SSH2: variants seen among roughly 807,000 people sequenced by gnomAD.
SSH2 encodes the protein slingshot protein phosphatase 2, also known as protein phosphatase Slingshot homolog 2.
SSH2 carries 37 observed loss-of-function variants against 135.2 expected under a neutral mutation model. The observed-to-expected ratio is 0.27, with a 90% CI of 0.21 to 0.36. The LOEUF (loss-of-function observed/expected upper bound fraction) is 0.36. SSH2 is among the 10% of genes least tolerant of loss of function. The pLI, the probability that SSH2 is intolerant of heterozygous loss-of-function variation, is 1.00. For synonymous variants in SSH2, 628 were observed against 646.2 expected, an observed-to-expected ratio of 0.97 and a Z score of 0.43; for missense variants, 1,408 against 1,765.3, an observed-to-expected ratio of 0.80 and a Z score of 3.63.
intron 3 of SSH2, among the ~76,000 whole-genome samples, chr17:29,784,302 G>A (rs111690527): frequency 0.014 from 2,169 of 151,408 alleles, 53 homozygotes; most frequent in African/African-American, 0.049. Context: ...GGAGAATCAC[G>A]TGAACCTGGG....
intron 3 of SSH2, among the ~76,000 whole-genome samples, chr17:29,778,354 G>A (rs1315435751): frequency 1.3e-5 from 2 of 152,024 alleles, no homozygotes; most frequent in African/African-American, 4.8e-5. Flanking sequence ...AAGTCATGTA[G>A]CCTGGATGGG....
At chr17:29,850,940 G>A (rs1219538769) in intron 1 of SSH2, among the ~76,000 whole-genome samples, 1 of 152,058 alleles carries the variant, frequency 6.6e-6, no homozygotes, top group South Asian at 2.1e-4. Context: ...AGCCGAGATC[G>A]CGCCACTGCA....
chr17:29,745,016 T>G (rs968292010), intron 3 of SSH2, among the ~76,000 whole-genome samples: 2 of 152,154 alleles, frequency 1.3e-5, no homozygotes, highest in Non-Finnish European at 1.5e-5. Context: ...TCAATAACAA[T>G]GGCCTTGCAA....
chr17:29,694,168 G>A (rs772207759), intron 5 of SSH2, among the ~76,000 whole-genome samples: 1 of 152,072 alleles, frequency 6.6e-6, no homozygotes, highest in Non-Finnish European at 1.5e-5. Context: ...TTCCAGTGTG[G>A]TCCAGGGAAG....
chr17:29,632,369 T>A lies in SSH2; in HGVS notation c.2825A>T (p.Asp942Val), dbSNP rs762459910. 3 of 1,614,052 alleles carry A rather than the reference T, an allele frequency of 1.9e-6. No individual in the cohort carries two copies. In the South Asian group the frequency reaches 3.3e-5, roughly 18 times the overall value. Residue 942 changes from aspartate (D) to valine (V), a missense_variant, in exon 16 of 16, where the codon GAT (aspartate) becomes GTT (valine). Physicochemically the swap from Asp to Val is radical, Grantham distance 152 (BLOSUM62 -3). Transcript: ENST00000540801. Reference protein sequence around the residue: ...VADLAPKGKSDEAPPEHSFVL... With the variant: ...VADLAPKGKSVEAPPEHSFVL... ...AAATGAATGTTCTGGGGGGGCTTCA[T>A]CACTTTTCCCTTTTGGTGCTAGGTC...
chr17:29,772,389 G>GCGCC (rs1244583389), intron 3 of SSH2, among the ~76,000 whole-genome samples: 5 of 151,988 alleles, frequency 3.3e-5, no homozygotes, highest in Non-Finnish European at 4.4e-5. Context: ...GGGACTACAG[G>GCGCC]CGCCCACCAC....
At chr17:29,845,276 A>G (rs2043112162) in intron 2 of SSH2, among the ~76,000 whole-genome samples, 1 of 152,202 alleles carries the variant, frequency 6.6e-6, no homozygotes, top group Admixed American at 6.5e-5. Flanking sequence ...TGGAGATTTC[A>G]ATCATTTTGC....
Position 29,898,146 on chromosome 17 carries a change from T to C in SSH2, c.63+31792A>G, listed in dbSNP as rs200625704. ...TTAAAGCAGTGTGTAGAGGGAAATT[T>C]ACAGCACTAAATGCCCACAAGAGAA... On this transcript the variant is annotated intron_variant, in intron 1 of 15. Transcript: ENST00000540801. Among the ~76,000 whole-genome samples, 22 of 152,228 alleles carry C rather than the reference T, an allele frequency of 1.4e-4. 1 individual carries two copies. The East Asian group carries it at 2.3e-3, about 16-fold the overall frequency.
At chr17:29,897,470 G>A (rs2066466914) in intron 1 of SSH2, among the ~76,000 whole-genome samples, 1 of 152,044 alleles carries the variant, frequency 6.6e-6, no homozygotes, top group Non-Finnish European at 1.5e-5. Flanking sequence ...AAAAAAGGCA[G>A]GGGTTGCAAT....
chr17:29,767,326 A>T (rs2041469528), intron 3 of SSH2, among the ~76,000 whole-genome samples: 1 of 151,858 alleles, frequency 6.6e-6, no homozygotes, highest in Non-Finnish European at 1.5e-5. Context: ...ACTTTACAAA[A>T]CATTTAACCA....
At chr17:29,839,227 G>A (rs1034129549) in intron 2 of SSH2, 1 of 152,444 alleles carries the variant, frequency 6.6e-6, no homozygotes, top group African/African-American at 2.4e-5. Context: ...TGTGCACAGT[G>A]GCTGGACCCT....
At chr17:29,906,515 G>C (rs976350511) in intron 1 of SSH2, among the ~76,000 whole-genome samples, 1 of 152,138 alleles carries the variant, frequency 6.6e-6, no homozygotes, top group Non-Finnish European at 1.5e-5. Context: ...TGACAAATGG[G>C]ATCTAACTAA....
intron 6 of SSH2, 71 bp downstream of exon 6, chr17:29,684,483 TAAAAAAAAA>T: frequency 5.2e-6 from 5 of 955,932 alleles, no homozygotes; most frequent in Non-Finnish European, 7.1e-6. Flanking sequence ...CCGTCCCCAT[TAAAAAAAAA>T]AAAAAAAAAA....
intron 1 of SSH2, among the ~76,000 whole-genome samples, chr17:29,872,919 C>T (rs901266001): frequency 2.9e-4 from 44 of 151,298 alleles, no homozygotes; most frequent in African/African-American, 1.0e-3. Flanking sequence ...TCACTTGAAC[C>T]GGGGAGGCAA....
At chr17:29,743,967 C>A (rs971542445) in intron 3 of SSH2, among the ~76,000 whole-genome samples, 41 of 140,566 alleles carry the variant, frequency 2.9e-4, no homozygotes, top group African/African-American at 1.0e-3. Flanking sequence ...CCATTGGAGC[C>A]TGAGTCGGAA....
chr17:29,671,165 T>C (rs1202928770), intron 9 of SSH2, among the ~76,000 whole-genome samples: 1 of 151,912 alleles, frequency 6.6e-6, no homozygotes, highest in East Asian at 1.9e-4. Context: ...AATGATAAAA[T>C]ATTTAAAAAA....
chr17:29,665,051 T>C (rs1245681778), intron 11 of SSH2, among the ~76,000 whole-genome samples: 5 of 152,198 alleles, frequency 3.3e-5, no homozygotes, highest in Non-Finnish European at 7.4e-5. Flanking sequence ...TCCTTTTGAC[T>C]ACAGATATTT....
intron 6 of SSH2, among the ~76,000 whole-genome samples, chr17:29,684,322 C>G (rs775837311): frequency 2.0e-5 from 3 of 151,866 alleles, no homozygotes; most frequent in Non-Finnish European, 2.9e-5. Flanking sequence ...ACTAAAAATA[C>G]AAAAATTAGT....
At chr17:29,870,547 C>T (rs1280893137) in intron 1 of SSH2, among the ~76,000 whole-genome samples, 4 of 152,034 alleles carry the variant, frequency 2.6e-5, no homozygotes, top group Non-Finnish European at 4.4e-5. Context: ...ATTTTAAAAT[C>T]GAATAATAAC....
Sources: allele counts gnomAD v4.1 joint callset (sites outside exome capture counted in the v4.1 genomes callset), GRCh38; gene constraint gnomAD v4.1.1; transcripts MANE v1.5; gene names NCBI Gene and HGNC (gene_info 2026-07-23, HGNC 2026-07-21).